The following ANKS1B variants were observed in gnomAD, a reference collection of about 807,000 sequenced individuals.
ANKS1B encodes the protein ankyrin repeat and sterile alpha motif domain containing 1B.
Under a neutral mutation model 148.3 loss-of-function variants are expected in ANKS1B, and 36 were observed. The observed-to-expected ratio is 0.24, with a 90% CI of 0.19 to 0.32. The LOEUF is 0.32. ANKS1B is among the 10% of genes least tolerant of loss of function. The pLI, the probability that ANKS1B is intolerant of heterozygous loss-of-function variation, is 1.00. For synonymous variants in ANKS1B, 542 were observed against 560.8 expected, an observed-to-expected ratio of 0.97 and a Z score of 0.47; for missense variants, 1,157 against 1,542.6, an observed-to-expected ratio of 0.75 and a Z score of 4.19.
At chr12:99,875,531 AAG>A (rs1472409705) in intron 1 of ANKS1B, among the ~76,000 whole-genome samples, 2 of 152,204 alleles carry the variant, frequency 1.3e-5, no homozygotes, top group Non-Finnish European at 2.9e-5. Context: ...TCAAGAAAGA[AAG>A]AAATTTTGAA....
Position 98,934,113 on chromosome 12 carries a change from C to A in ANKS1B, c.2779-101977G>T, listed in dbSNP as rs573262232. 1.3e-4 allele frequency among the ~76,000 whole-genome samples: 20 copies of A among 152,120 alleles called. No homozygotes were observed. The South Asian group carries it at 4.1e-3, about 32-fold the overall frequency. On this transcript the variant is annotated intron_variant, in intron 17 of 26. Transcript: ENST00000683438. ...TCAAGTGGTTTTTCATGTATGTTTTCTTCTAGCAGGTTTACAGTTTCAGAT... is the reference window on the plus strand; with the variant it reads ...TCAAGTGGTTTTTCATGTATGTTTTATTCTAGCAGGTTTACAGTTTCAGAT...
chr12:99,427,319 C>T (rs2152736246), intron 11 of ANKS1B, among the ~76,000 whole-genome samples: 1 of 152,182 alleles, frequency 6.6e-6, no homozygotes, highest in East Asian at 1.9e-4. Context: ...GCACTTTGCC[C>T]TCACACTGAG....
chr12:98,841,060 A>G (rs1424252521), intron 17 of ANKS1B, among the ~76,000 whole-genome samples: 1 of 152,192 alleles, frequency 6.6e-6, no homozygotes, highest in Non-Finnish European at 1.5e-5. Flanking sequence ...AGAAGTAGAG[A>G]GACTGCTGTT....
At chr12:98,861,058 T>C (rs2099596835) in intron 17 of ANKS1B, among the ~76,000 whole-genome samples, 1 of 152,054 alleles carries the variant, frequency 6.6e-6, no homozygotes, top group Non-Finnish European at 1.5e-5. Context: ...AATGAAAGAC[T>C]CAAAAATTCC....
chr12:99,109,847 T>C (rs2059944812), intron 15 of ANKS1B, among the ~76,000 whole-genome samples: 10 of 152,184 alleles, frequency 6.6e-5, no homozygotes, highest in Admixed American at 5.9e-4. Context: ...GGAAACAGTT[T>C]GATATTCACC....
intron 12 of ANKS1B, among the ~76,000 whole-genome samples, chr12:99,289,347 A>G (rs2079584360): frequency 6.6e-6 from 1 of 152,056 alleles, no homozygotes; most frequent in Non-Finnish European, 1.5e-5. Context: ...CACTTTCAAC[A>G]TTGGACAGAT....
chr12:99,384,922 C>T (rs912941289), intron 12 of ANKS1B, among the ~76,000 whole-genome samples: 16 of 151,912 alleles, frequency 1.1e-4, no homozygotes, highest in Admixed American at 3.3e-4. Flanking sequence ...TTTATAAGTA[C>T]TAAAGGAATA....
intron 9 of ANKS1B, among the ~76,000 whole-genome samples, chr12:99,598,168 C>T (rs1406457004): frequency 6.6e-6 from 1 of 151,954 alleles, no homozygotes; most frequent in Non-Finnish European, 1.5e-5. Flanking sequence ...TATGATGTAA[C>T]ATTTTTTTGA....
chr12:99,439,197 A>G (rs1337019300), intron 11 of ANKS1B, among the ~76,000 whole-genome samples: 1 of 151,774 alleles, frequency 6.6e-6, no homozygotes, highest in Non-Finnish European at 1.5e-5. Context: ...ATCGACCTAA[A>G]TATAAAAACC....
chr12:99,518,143 G>C (rs192644377), intron 9 of ANKS1B, among the ~76,000 whole-genome samples: 3 of 152,116 alleles, frequency 2.0e-5, no homozygotes, highest in Non-Finnish European at 2.9e-5. Flanking sequence ...GAGGATTTTT[G>C]CATTAATATT....
intron 17 of ANKS1B, among the ~76,000 whole-genome samples, chr12:98,840,443 G>T (rs1051072962): frequency 1.3e-5 from 2 of 152,196 alleles, no homozygotes; most frequent in South Asian, 4.2e-4. Context: ...AAGGAAAAGA[G>T]GTTCCAAGTT....
intron 8 of ANKS1B, among the ~76,000 whole-genome samples, chr12:99,682,073 T>G (rs1299450950): frequency 6.6e-6 from 1 of 152,012 alleles, no homozygotes; most frequent in Admixed American, 6.6e-5. Context: ...AATATCACAA[T>G]CCAAAATATA....
intron 17 of ANKS1B, among the ~76,000 whole-genome samples, chr12:98,915,518 A>T (rs943076959): frequency 6.6e-6 from 1 of 151,992 alleles, no homozygotes; most frequent in Non-Finnish European, 1.5e-5. Context: ...CACCCAGCTA[A>T]TTTTTTGCAT....
At chr12:99,023,539 C>T (rs2099947029) in intron 17 of ANKS1B, among the ~76,000 whole-genome samples, 1 of 151,878 alleles carries the variant, frequency 6.6e-6, no homozygotes, top group Admixed American at 6.6e-5. Flanking sequence ...GTCTTTGTTT[C>T]TTCTTTAGAT....
intron 9 of ANKS1B, among the ~76,000 whole-genome samples, chr12:99,560,316 A>G (rs1041384150): frequency 1.4e-4 from 22 of 152,114 alleles, no homozygotes; most frequent in African/African-American, 5.3e-4. Context: ...ACGTTACCTC[A>G]ATAGATATGT....
intron 1 of ANKS1B, among the ~76,000 whole-genome samples, chr12:99,882,610 A>C: frequency 6.6e-6 from 1 of 152,312 alleles, no homozygotes; most frequent in South Asian, 2.1e-4. Flanking sequence ...ACAAAGGCAT[A>C]AGAGTGATAT....
intron 12 of ANKS1B, among the ~76,000 whole-genome samples, chr12:99,392,577 T>C (rs2094111445): frequency 6.6e-6 from 1 of 152,206 alleles, no homozygotes; most frequent in Admixed American, 6.5e-5. Flanking sequence ...GCTTAGCAGG[T>C]GCCCTTGAGA....
intron 9 of ANKS1B, among the ~76,000 whole-genome samples, chr12:99,563,514 C>T (rs1014895292): frequency 2.6e-5 from 4 of 152,082 alleles, no homozygotes; most frequent in African/African-American, 9.7e-5. Flanking sequence ...AGAAAACACA[C>T]AACACTTACT....
chr12:99,948,999 T>C (rs2095144809), intron 1 of ANKS1B, among the ~76,000 whole-genome samples: 1 of 152,330 alleles, frequency 6.6e-6, no homozygotes, highest in East Asian at 1.9e-4. Flanking sequence ...GAGGTTGAGC[T>C]ATATTAATTG....
Sources: allele counts gnomAD v4.1 joint callset (sites outside exome capture counted in the v4.1 genomes callset), GRCh38; gene constraint gnomAD v4.1.1; transcripts MANE v1.5; gene names NCBI Gene and HGNC (gene_info 2026-07-23, HGNC 2026-07-21).